MTMR8: variants seen among roughly 807,000 people sequenced by gnomAD.
MTMR8 encodes the protein phosphatidylinositol-3,5-bisphosphate 3-phosphatase MTMR8.
In MTMR8, 65 loss-of-function variants were observed where a neutral mutation model predicts 39.3. The ratio of observed to expected loss-of-function variants is 1.65; its 90% CI spans 1.35 to 2.03. The LOEUF (loss-of-function observed/expected upper bound fraction) is 2.03, where lower values mean the gene tolerates loss of function less well. Among genes scored for constraint, MTMR8 ranks in the 30% most tolerant of loss-of-function variants. The pLI, the probability that MTMR8 is intolerant of heterozygous loss-of-function variation, is 0.00. For synonymous variants in MTMR8, 245 were observed against 185.2 expected (o/e 1.32, Z -2.62); for missense variants, 777 against 538.9 (o/e 1.44, Z -4.37).
At chrX:64,278,419 G>A (rs1457198567) in intron 12 of MTMR8, among the ~76,000 whole-genome samples, 1 of 99,834 alleles carries the variant, frequency 1.0e-5, no homozygotes, top group Admixed American at 1.1e-4. Flanking sequence ...GTTTCTGTGT[G>A]GATGTCCTTT....
chrX:64,268,772 TC>T lies in MTMR8; in HGVS notation c.1879del (p.Asp627MetfsTer26). 1 of 1,211,550 alleles carries T rather than the reference TC, an allele frequency of 8.3e-7. No homozygotes were observed. The highest frequency in any genetic ancestry group is 1.1e-6 in the Non-Finnish European group (1 of 895,479). ...GCCCATGGCCTCAGAGATGCCCACATCCCCAGAGATATTTATGGCCCTAAGG... is the reference window on the plus strand; with the variant it reads ...GCCCATGGCCTCAGAGATGCCCACATCCCAGAGATATTTATGGCCCTAAGG... ...GSLRAINISGDVGISEAMGIS... is the reference protein window; with the variant it reads ...GSLRAINISGXVGISEAMGIS... On this transcript the variant is annotated frameshift_variant, in exon 14 of 14. Transcript: ENST00000374852. LOFTEE classifies it low-confidence loss of function (END_TRUNC).
At chrX:64,381,150 G>C (rs959934088) in intron 1 of MTMR8, among the ~76,000 whole-genome samples, 2 of 111,835 alleles carry the variant, frequency 1.8e-5, no homozygotes, top group Non-Finnish European at 3.8e-5. Context: ...TCTAGTTCTA[G>C]ATCCCTGAGG....
chrX:64,275,161 C>A (rs1207049137), intron 12 of MTMR8, among the ~76,000 whole-genome samples: 2 of 109,869 alleles, frequency 1.8e-5, no homozygotes, highest in African/African-American at 6.6e-5. Flanking sequence ...ACATTGTACC[C>A]CTGAAATATA....
At chrX:64,301,334 C>A (rs1921866233) in intron 12 of MTMR8, among the ~76,000 whole-genome samples, 2 of 106,701 alleles carry the variant, frequency 1.9e-5, no homozygotes, top group African/African-American at 6.8e-5. Flanking sequence ...ATTTCGTCTT[C>A]CATTGCTGAT....
chrX:64,364,810 C>T (rs1421291075), intron 1 of MTMR8, among the ~76,000 whole-genome samples: 1 of 111,763 alleles, frequency 8.9e-6, no homozygotes, highest in Non-Finnish European at 1.9e-5. Flanking sequence ...TAATAAACTT[C>T]TACGAGCTAA....
chrX:64,344,867 A>G (rs1923308479), intron 7 of MTMR8, among the ~76,000 whole-genome samples, 178 bp downstream of exon 7: 2 of 111,729 alleles, frequency 1.8e-5, no homozygotes, highest in Non-Finnish European at 3.8e-5. Context: ...TTCCAGATCA[A>G]CACTGCTATA....
At chrX:64,395,078 C>T (rs745674870) in intron 1 of MTMR8, among the ~76,000 whole-genome samples, 4 of 112,210 alleles carry the variant, frequency 3.6e-5, no homozygotes, top group African/African-American at 9.7e-5. Context: ...CCAGAACAGG[C>T]GTGCACCAGG....
chrX:64,312,136 G>C (rs1024384474), intron 12 of MTMR8, among the ~76,000 whole-genome samples: 1 of 111,576 alleles, frequency 9.0e-6, no homozygotes, highest in Non-Finnish European at 1.9e-5. Flanking sequence ...CTACCCATGA[G>C]CATGGAATGT....
intron 2 of MTMR8, among the ~76,000 whole-genome samples, chrX:64,358,931 T>A (rs1317622767): frequency 9.2e-6 from 1 of 108,371 alleles, no homozygotes; most frequent in African/African-American, 3.4e-5. Flanking sequence ...ATGGTCTAAA[T>A]TAGTGTTGCC....
At chrX:64,343,340 G>A (rs1226910846) in intron 8 of MTMR8, among the ~76,000 whole-genome samples, 1 of 111,586 alleles carries the variant, frequency 9.0e-6, no homozygotes, top group Non-Finnish European at 1.9e-5. Flanking sequence ...CATTTTTCCA[G>A]TGGGGGAGAG....
At chrX:64,341,479 CAAAA>C (rs758580930) in intron 8 of MTMR8, among the ~76,000 whole-genome samples, 29 of 25,528 alleles carry the variant, frequency 1.1e-3, no homozygotes, top group South Asian at 6.8e-3. Context: ...AACTCTGTCT[CAAAA>C]AAAAAAAAAA....
chrX:64,302,341 G>A (rs1569214680), intron 12 of MTMR8, among the ~76,000 whole-genome samples: 1 of 112,471 alleles, frequency 8.9e-6, no homozygotes, highest in Non-Finnish European at 1.9e-5. Flanking sequence ...AGGTGCGTCT[G>A]TCACCCCTTT....
At chrX:64,364,597 C>A (rs1195465273) in intron 1 of MTMR8, among the ~76,000 whole-genome samples, 3 of 111,624 alleles carry the variant, frequency 2.7e-5, no homozygotes, top group African/African-American at 9.8e-5. Flanking sequence ...ACACCAAAAT[C>A]CCATCTGTAC....
intron 12 of MTMR8, among the ~76,000 whole-genome samples, chrX:64,321,604 A>G (rs1029210854): frequency 2.1e-4 from 24 of 111,927 alleles, no homozygotes; most frequent in African/African-American, 7.5e-4. Flanking sequence ...AAGCAGACCA[A>G]TAAGTGCACA....
rs750321960 is a variant in MTMR8 at position 64,340,245 on chromosome X, G to A, written c.976-2852C>T. Among the ~76,000 whole-genome samples, 111 of 111,593 alleles carry A rather than the reference G, an allele frequency of 9.9e-4. 1 individual carries two copies. Among genetic ancestry groups the A allele is most frequent in the Non-Finnish European group, 2.3e-4 (12 of 53,120 alleles). On this transcript the variant is annotated intron_variant, in intron 8 of 13. Coordinates refer to ENST00000374852, the MANE Select transcript of MTMR8 (RefSeq NM_017677.4). ...GTACAGAGGTTTCCATGAGATAGAA[G>A]AACTATGCTAGCTGGATTAAGGATG...
intron 1 of MTMR8, among the ~76,000 whole-genome samples, chrX:64,375,376 G>A (rs1472003617): frequency 3.6e-5 from 4 of 110,585 alleles, no homozygotes; most frequent in African/African-American, 1.3e-4. Flanking sequence ...AAAAGTAAAG[G>A]GATGGAGAAA....
At chrX:64,390,590 CTTTA>C (rs1924666870) in intron 1 of MTMR8, among the ~76,000 whole-genome samples, 2 of 111,981 alleles carry the variant, frequency 1.8e-5, no homozygotes, top group African/African-American at 3.2e-5. Flanking sequence ...ACTAGATGAT[CTTTA>C]TTTATTAATT....
chrX:64,330,261 G>C (rs942281536), intron 11 of MTMR8, among the ~76,000 whole-genome samples: 1 of 112,033 alleles, frequency 8.9e-6, no homozygotes, highest in Non-Finnish European at 1.9e-5. Flanking sequence ...AACAAAGACA[G>C]AATGAATATC....
intron 12 of MTMR8, among the ~76,000 whole-genome samples, chrX:64,323,672 C>T (rs766443873): frequency 9.0e-6 from 1 of 111,662 alleles, no homozygotes; most frequent in South Asian, 3.7e-4. Flanking sequence ...GTAGAACAAG[C>T]CTTAACAAAT....
Sources: gnomAD v4.1 joint callset for allele counts (sites outside exome capture counted in the v4.1 genomes callset) on GRCh38, gnomAD v4.1.1 for gene constraint, MANE v1.5 for transcripts, NCBI Gene and HGNC (gene_info 2026-07-23, HGNC 2026-07-21) for gene names.